The following TEX15 variants were observed in gnomAD, a reference collection of about 807,000 sequenced individuals.
TEX15 encodes the protein testis-expressed protein 15.
In TEX15, 171 loss-of-function variants were observed where a neutral mutation model predicts 237.3. The ratio of observed to expected loss-of-function variants is 0.72; its 90% CI spans 0.64 to 0.82. TEX15 has a LOEUF of 0.82. Among genes scored for constraint, TEX15 ranks in the 40% least tolerant of loss-of-function variants. The pLI is 0.00. For missense variants in TEX15, 3,750 were observed against 3,646.5 expected (o/e 1.03, Z -0.73); for synonymous variants, 1,338 against 1,269.8 (o/e 1.05, Z -1.14).
Position 30,842,235 on chromosome 8 carries a change from G to A in TEX15, c.7932C>T (p.Asn2644=). The A allele has an allele frequency of 1.2e-6, 2 of 1,612,970 alleles. No homozygotes were observed. Among genetic ancestry groups the A allele is most frequent in the Non-Finnish European group, 1.7e-6 (2 of 1,179,438 alleles). ...ISFFLCQMLY[N]RRKILQLKRK... ...TCTTCAGCTGTAAAATCTTCCTTCT[G>A]TTATACAGCATTTGGCATAGGAAAA... The change falls in exon 8 of 11, where the codon AAC becomes AAT. Residue 2644 remains asparagine, a synonymous_variant. Coordinates refer to ENST00000643185, the MANE Select transcript of TEX15 (RefSeq NM_001350162.2).
At chr8:30,887,122 T>C (rs1808667014) in intron 3 of TEX15, 45 bp downstream of exon 3, 4 of 1,456,002 alleles carry the variant, frequency 2.7e-6, no homozygotes. Flanking sequence ...ATCAGAGAAA[T>C]ACAGTAATAG....
Position 30,837,612 on chromosome 8 carries a change from G to GC in TEX15, c.8671dup (p.Ala2891GlyfsTer18), listed in dbSNP as rs1807339629. 1 of 1,613,728 alleles carries GC rather than the reference G, an allele frequency of 6.2e-7. No homozygotes were observed. On this transcript the variant is annotated frameshift_variant, in exon 10 of 11. Transcript: ENST00000643185. LOFTEE classifies it high-confidence loss of function. The stretch of plus-strand genomic sequence containing the variant: ...GAAAATTGGCTTTGAGAGCACCGAC[G>GC]CATCAGGCACAAGAGAAACATCAGT...
At position 30,849,101 on chromosome 8, in the gene TEX15, T is replaced by C; in HGVS notation, c.1066A>G (p.Thr356Ala). 3 of 1,611,228 alleles carry C rather than the reference T, an allele frequency of 1.9e-6. No individual in the cohort carries two copies. The highest frequency in any genetic ancestry group is 1.1e-5 in the South Asian group (1 of 90,878). ...VQNGNISIPE[T>A]YSGQTEHSLA... Reference sequence around the variant, plus strand: ...CTGTGCTCTGTCTGTCCACTGTATGTTTCAGGTATAGAAATGTTTCCATTT... The same window carrying C: ...CTGTGCTCTGTCTGTCCACTGTATGCTTCAGGTATAGAAATGTTTCCATTT... Residue 356 changes from threonine (T) to alanine (A), a missense_variant, in exon 8 of 11, where the codon ACA becomes GCA. Physicochemically the swap from Thr to Ala is moderately conservative, Grantham distance 58. Coordinates refer to ENST00000643185, the MANE Select transcript of TEX15 (RefSeq NM_001350162.2).
intron 2 of TEX15, among the ~76,000 whole-genome samples, chr8:30,891,736 A>G (rs954398179): frequency 9.9e-5 from 15 of 152,178 alleles, no homozygotes; most frequent in Non-Finnish European, 1.5e-4. Flanking sequence ...AGCCTCCCAA[A>G]GTGCCTGTAG....
Position 30,844,705 on chromosome 8 carries a change from A to G in TEX15, c.5462T>C (p.Leu1821Ser). ...AGAGGAGCCTTTTACATTATCTTTT[A>G]AAAGCAGAGAACTATCACTGGAAGA... is the stretch of plus-strand genomic sequence containing the variant. Reference protein sequence around the residue: ...ELSSSDSSLLLKDNVKGSSSE... With the variant: ...ELSSSDSSLLSKDNVKGSSSE... The change falls in exon 8 of 11, where the codon TTA becomes TCA. Residue 1821 changes from leucine to serine, a missense_variant. By Grantham distance (145) the Leu-to-Ser change is moderately radical (BLOSUM62 -2). Coordinates refer to ENST00000643185, the MANE Select transcript of TEX15 (RefSeq NM_001350162.2). 6.2e-7 allele frequency: 1 copy of G among 1,613,194 alleles called. No individual in the cohort carries two copies. Among genetic ancestry groups the G allele is most frequent in the Non-Finnish European group, 8.5e-7 (1 of 1,179,574 alleles).
chr8:30,846,791 CA>C lies in TEX15; in HGVS notation c.3375del (p.Ser1125ArgfsTer53). On this transcript the variant is annotated frameshift_variant, in exon 8 of 11. Transcript: ENST00000643185. LOFTEE classifies it high-confidence loss of function. ...TTACTTTCCTTAGAATAATGCTGAT[CA>C]CTATTCTCCCTTCCTGTGGTGCTTT... is the stretch of plus-strand genomic sequence containing the variant. The part of the protein sequence containing the change: ...VLESTTGREN[S>X]DQHYSKESNY... The C allele has an allele frequency of 6.2e-7, 1 of 1,613,822 alleles. No individual in the cohort carries two copies. The highest frequency in any genetic ancestry group is 8.5e-7 in the Non-Finnish European group (1 of 1,179,760).
intron 10 of TEX15, among the ~76,000 whole-genome samples, chr8:30,836,416 G>A (rs1272037262): frequency 1.3e-5 from 2 of 151,724 alleles, no homozygotes; most frequent in African/African-American, 4.8e-5. Flanking sequence ...GTTTCACTAT[G>A]TTGGCCAGGC....
rs1431891453 is a variant in TEX15, at chr8:30,844,016, G to GACCAAAGAGGA, written c.6150_6151insTCCTCTTTGGT (p.Leu2051SerfsTer7). On this transcript the variant is annotated frameshift_variant, in exon 8 of 11. Transcript: ENST00000643185. LOFTEE classifies it high-confidence loss of function. ...TTCCACAGGTTTTGGTCTACCAACA[G>GACCAAAGAGGA]TTCTCTTGAAATCAGGATTTGTTCA... The GACCAAAGAGGA allele has an allele frequency of 6.2e-7, 1 of 1,611,980 alleles. No homozygotes were observed. The highest frequency in any genetic ancestry group is 8.5e-7 in the Non-Finnish European group (1 of 1,179,146).
intron 2 of TEX15, chr8:30,890,462 AT>A (rs1479438809): frequency 6.6e-6 from 1 of 152,140 alleles, no homozygotes; most frequent in African/African-American, 2.4e-5. Flanking sequence ...AATATTTGCC[AT>A]TGTCTAGCTC....
intron 7 of TEX15, among the ~76,000 whole-genome samples, chr8:30,852,168 G>A (rs1314923855): frequency 8.1e-6 from 1 of 123,548 alleles, no homozygotes; most frequent in African/African-American, 3.3e-5. Flanking sequence ...GCAGTGGCAC[G>A]ATCTCGGCTC....
chr8:30,907,774 CA>C (rs35997250), intron 1 of TEX15, among the ~76,000 whole-genome samples: 4,668 of 111,504 alleles, frequency 0.042, 189 homozygotes, highest in African/African-American at 0.13. Context: ...ATAATTACAC[CA>C]AAAAAAAAAA....
At chr8:30,909,945 G>A (rs1386575367) in intron 1 of TEX15, among the ~76,000 whole-genome samples, 1 of 152,062 alleles carries the variant, frequency 6.6e-6, no homozygotes, top group African/African-American at 2.4e-5. Context: ...AGACCTAACA[G>A]GATAACATGT....
At chr8:30,861,902 T>C (rs1808058593) in intron 5 of TEX15, among the ~76,000 whole-genome samples, 1 of 152,068 alleles carries the variant, frequency 6.6e-6, no homozygotes, top group South Asian at 2.1e-4. Context: ...ATACAGTCAG[T>C]AAATATATTC....
Position 30,844,544 on chromosome 8 carries a change from G to A in TEX15, c.5623C>T (p.Gln1875Ter). 1.9e-6 allele frequency: 3 copies of A among 1,612,222 alleles called. No homozygotes were observed. The highest frequency in any genetic ancestry group is 2.5e-6 in the Non-Finnish European group (3 of 1,179,324). Residue 1875 changes from glutamine to a stop codon, truncating the protein, a stop_gained, in exon 8 of 11, where the codon CAA becomes TAA. Coordinates refer to ENST00000643185, the MANE Select transcript of TEX15 (RefSeq NM_001350162.2). LOFTEE classifies it high-confidence loss of function. The stretch of plus-strand genomic sequence containing the variant: ...GATTCTTCTGAGATCTGATTCTTTT[G>A]ATTTTTGTACTCAGTATTAACAGTT... ...GSTVNTEYKN[Q>*]KNQISEESCL... is the part of the protein sequence containing the mutation.
At chr8:30,841,614 T>TAACAA (rs1807454190) in intron 8 of TEX15, among the ~76,000 whole-genome samples, 2 of 152,212 alleles carry the variant, frequency 1.3e-5, no homozygotes, top group African/African-American at 2.4e-5. Context: ...CAGGCTTTGT[T>TAACAA]AGCCACTTTT....
rs1807615597 is a variant in TEX15, at chr8:30,846,545, G to T, written c.3622C>A (p.Gln1208Lys). ...TAATCTGCATTTTCACCAAAAGGCT[G>T]GGAATAAATGTCAAATCCTAGAATT... The part of the protein sequence containing the change: ...GEILGFDIYS[Q>K]PFGENADYPC... Residue 1208 changes from glutamine (Q) to lysine (K), a missense_variant, in exon 8 of 11, where the codon CAG becomes AAG. Coordinates refer to ENST00000643185, the MANE Select transcript of TEX15 (RefSeq NM_001350162.2). 6.2e-7 allele frequency: 1 copy of T among 1,613,690 alleles called. No homozygotes were observed. The highest frequency in any genetic ancestry group is 2.2e-5 in the East Asian group (1 of 44,876).
intron 7 of TEX15, among the ~76,000 whole-genome samples, chr8:30,856,354 G>A (rs892249017): frequency 4.0e-5 from 6 of 148,584 alleles, no homozygotes; most frequent in African/African-American, 1.5e-4. Context: ...AGGAGTTTGA[G>A]ACCAGCCTGG....
chr8:30,853,317 CA>C (rs1468130685), intron 7 of TEX15, among the ~76,000 whole-genome samples: 10 of 152,108 alleles, frequency 6.6e-5, no homozygotes, highest in Non-Finnish European at 1.5e-4. Flanking sequence ...AACACTTGAA[CA>C]AACTATAAAA....
chr8:30,887,909 TATA>T (rs994189899), intron 2 of TEX15: 5 of 141,746 alleles, frequency 3.5e-5, no homozygotes, highest in Admixed American at 7.1e-5. Context: ...TATATATATA[TATA>T]TATATATATA....
Sources: gnomAD v4.1 joint callset for allele counts (sites outside exome capture counted in the v4.1 genomes callset) on GRCh38, gnomAD v4.1.1 for gene constraint, MANE v1.5 for transcripts, NCBI Gene and HGNC (gene_info 2026-07-23, HGNC 2026-07-21) for gene names.